Variants in DENND5B observed in about 807,000 individuals in gnomAD.
DENND5B encodes DENN domain containing 5B.
Under a neutral mutation model 140.6 loss-of-function variants are expected in DENND5B, and 34 were observed. That is an observed-to-expected ratio of 0.24 (90% CI 0.18 to 0.32). The LOEUF is 0.32. Ranked by LOEUF, DENND5B falls within the 10% of genes least tolerant of loss-of-function variation. The probability of loss-of-function intolerance (pLI) is 1.00; values close to 1 mark genes in which losing one functional copy is unlikely to be tolerated. For missense variants in DENND5B, 1,142 were observed against 1,560.2 expected (o/e 0.73, Z 4.52); for synonymous variants, 551 against 562.1 (o/e 0.98, Z 0.28).
At position 31,505,484 on chromosome 12, in the gene DENND5B, G is replaced by A. The variant is rs117958887; in HGVS notation, c.128-9565C>T. ...ACTCCTGACCTCAGATGATCTGCCCGCTTCAGCCTCCCAAGTGCTGGGATT... is the reference window on the plus strand; with the variant it reads ...ACTCCTGACCTCAGATGATCTGCCCACTTCAGCCTCCCAAGTGCTGGGATT... On this transcript the variant is annotated intron_variant, in intron 1 of 20. Coordinates refer to ENST00000389082, the MANE Select transcript of DENND5B (RefSeq NM_144973.4). 1.3e-3 allele frequency among the ~76,000 whole-genome samples: 196 copies of A among 152,080 alleles called. 2 individuals are homozygous for A. In the East Asian group the frequency reaches 0.021, roughly 16 times the overall value.
chr12:31,453,534 A>C (rs1196320248), intron 4 of DENND5B, among the ~76,000 whole-genome samples: 1 of 152,174 alleles, frequency 6.6e-6, no homozygotes, highest in African/African-American at 2.4e-5. Context: ...TTGTGTTTCT[A>C]GATTGGGGGG....
intron 3 of DENND5B, among the ~76,000 whole-genome samples, chr12:31,466,609 C>T (rs1460570974): frequency 3.3e-5 from 5 of 152,118 alleles, no homozygotes; most frequent in Non-Finnish European, 7.4e-5. Context: ...AGGAGAATTG[C>T]TTGAACCCAG....
chr12:31,518,808 T>A (rs963563650), intron 1 of DENND5B, among the ~76,000 whole-genome samples: 2 of 152,104 alleles, frequency 1.3e-5, no homozygotes, highest in African/African-American at 4.8e-5. Context: ...AAGAAAATGG[T>A]CCTAGTTTGA....
At chr12:31,503,123 C>A (rs1406978912) in intron 1 of DENND5B, among the ~76,000 whole-genome samples, 4 of 152,098 alleles carry the variant, frequency 2.6e-5, no homozygotes, top group Non-Finnish European at 5.9e-5. Context: ...AAGAAGGAGA[C>A]CTCAATAATT....
chr12:31,426,449 A>T (rs1943239621), intron 8 of DENND5B, 25 bp from the exon 9 acceptor site: 1 of 1,597,112 alleles, frequency 6.3e-7, no homozygotes, highest in African/African-American at 1.3e-5. Context: ...AGTATTTTTA[A>T]TGCGTAAACA....
intron 8 of DENND5B, among the ~76,000 whole-genome samples, chr12:31,427,777 A>G (rs987862033): frequency 2.0e-5 from 3 of 152,144 alleles, no homozygotes; most frequent in Non-Finnish European, 4.4e-5. Context: ...GGAGACTGAG[A>G]CGGCAAGCCA....
rs1942697396 is a variant in DENND5B, at chr12:31,415,643, G to T, written c.2471-195C>A. On this transcript the variant is annotated intron_variant, in intron 11 of 20. Coordinates refer to ENST00000389082, the MANE Select transcript of DENND5B (RefSeq NM_144973.4). Reference sequence around the variant, plus strand: ...TGAGCTTGGAGTGCAGTTTGCAGTGGCATGATCGTGGCTCACTGCAGCCTC... The same window carrying T: ...TGAGCTTGGAGTGCAGTTTGCAGTGTCATGATCGTGGCTCACTGCAGCCTC... 2.0e-5 allele frequency among the ~76,000 whole-genome samples: 3 copies of T among 152,122 alleles called. No individual in the cohort carries two copies. In the South Asian group the frequency reaches 6.2e-4, roughly 32 times the overall value.
chr12:31,576,107 C>T (rs1280461126), intron 1 of DENND5B, among the ~76,000 whole-genome samples: 1 of 147,260 alleles, frequency 6.8e-6, no homozygotes, highest in Non-Finnish European at 1.5e-5. Flanking sequence ...TGCCACTGCA[C>T]TCCAGCCCGT....
At chr12:31,517,311 T>G (rs1452537086) in intron 1 of DENND5B, among the ~76,000 whole-genome samples, 2 of 152,228 alleles carry the variant, frequency 1.3e-5, no homozygotes, top group African/African-American at 4.8e-5. Context: ...TTTGTTTTGT[T>G]TTTCTGTGAG....
At position 31,479,902 on chromosome 12, in the gene DENND5B, C is replaced by T. The variant is rs759838534; in HGVS notation, c.591G>A (p.Pro197=). The change falls in exon 3 of 21, where the codon CCG becomes CCA. Residue 197 remains proline (P), a synonymous_variant. Transcript: ENST00000389082. ...YVSKSICLIT[P]LPFMQACKKF... ...TCTTGCAGGCCTGCATGAATGGTAA[C>T]GGTGTGATCAAGCATATACTTTTTG... 9.1e-5 allele frequency: 147 copies of T among 1,613,748 alleles called. 1 individual carries two copies. The highest frequency in any genetic ancestry group is 1.2e-4 in the Admixed American group (7 of 59,986).
chr12:31,431,956 T>C (rs1488121120), intron 8 of DENND5B: 26 of 613,894 alleles, frequency 4.2e-5, no homozygotes, highest in Non-Finnish European at 5.3e-5. Context: ...TAGAGCTATG[T>C]GCACTCACAC....
chr12:31,409,638 C>A (rs1477239713), intron 13 of DENND5B, among the ~76,000 whole-genome samples: 1 of 152,056 alleles, frequency 6.6e-6, no homozygotes, highest in African/African-American at 2.4e-5. Context: ...GCCACCACGC[C>A]AGGCTAATTT....
chr12:31,502,091 C>T (rs778437816), intron 1 of DENND5B, among the ~76,000 whole-genome samples: 5 of 151,982 alleles, frequency 3.3e-5, no homozygotes, highest in African/African-American at 7.3e-5. Context: ...CGGAGGTGGG[C>T]GGATCACGAG....
chr12:31,565,374 A>G (rs115325627), intron 1 of DENND5B, among the ~76,000 whole-genome samples: 54 of 152,318 alleles, frequency 3.5e-4, no homozygotes, highest in African/African-American at 1.3e-3. Context: ...GAAAGAAAAG[A>G]AAGGAGTAAA....
chr12:31,526,693 C>T (rs750049088), intron 1 of DENND5B, among the ~76,000 whole-genome samples: 3 of 152,140 alleles, frequency 2.0e-5, no homozygotes, highest in Non-Finnish European at 2.9e-5. Flanking sequence ...GAAAAATTCA[C>T]GAAATCCAAA....
chr12:31,387,673 C>A lies in DENND5B; in HGVS notation c.3755G>T (p.Arg1252Leu). The A allele has an allele frequency of 6.2e-7, 1 of 1,614,010 alleles. No individual in the cohort carries two copies. Among genetic ancestry groups the A allele is most frequent in the Non-Finnish European group, 8.5e-7 (1 of 1,179,896 alleles). ...GAAGTCCTGAATGGTCTGCAGAATT[C>A]GGATAAGGGAGTTGACAGTCATGCG... ...RDRMTVNSLI[R>L]ILQTIQDFTI... The change falls in exon 21 of 21, where the codon CGA (arginine) becomes CTA (leucine). Residue 1252 changes from arginine to leucine, a missense_variant. Coordinates refer to ENST00000389082, the MANE Select transcript of DENND5B (RefSeq NM_144973.4).
At chr12:31,427,754 T>C (rs1205126759) in intron 8 of DENND5B, among the ~76,000 whole-genome samples, 1 of 152,070 alleles carries the variant, frequency 6.6e-6, no homozygotes, top group African/African-American at 2.4e-5. Context: ...TGGCTGGTAG[T>C]GGGGGGCAGC....
chr12:31,442,498 TA>T (rs1944080413), intron 7 of DENND5B, among the ~76,000 whole-genome samples: 2 of 152,250 alleles, frequency 1.3e-5, no homozygotes, highest in South Asian at 4.1e-4. Flanking sequence ...TCATTATATT[TA>T]AATCGCCATT....
intron 1 of DENND5B, among the ~76,000 whole-genome samples, chr12:31,514,991 T>C (rs1001386971): frequency 6.6e-6 from 1 of 152,068 alleles, no homozygotes; most frequent in African/African-American, 2.4e-5. Flanking sequence ...GGCATGGTGG[T>C]GCACACCTGC....
Sources: gnomAD v4.1 joint callset for allele counts (sites outside exome capture counted in the v4.1 genomes callset) on GRCh38, gnomAD v4.1.1 for gene constraint, MANE v1.5 for transcripts, NCBI Gene and HGNC (gene_info 2026-07-23, HGNC 2026-07-21) for gene names.